The following TNS3 variants were observed in gnomAD, a reference collection of about 807,000 sequenced individuals.
TNS3 encodes the protein tensin-3.
In TNS3, 45 loss-of-function variants were observed where a neutral mutation model predicts 140.9. The ratio of observed to expected loss-of-function variants is 0.32; its 90% CI spans 0.25 to 0.41. The LOEUF is 0.41. Among genes scored for constraint, TNS3 ranks in the 10% least tolerant of loss-of-function variants. The pLI, the probability that TNS3 is intolerant of heterozygous loss-of-function variation, is 1.00. For missense variants in TNS3, 1,716 were observed against 1,906.7 expected, an observed-to-expected ratio of 0.90 and a Z score of 1.86; for synonymous variants, 815 against 788.4, an observed-to-expected ratio of 1.03 and a Z score of -0.56.
At chr7:47,300,866 G>T (rs1372868881) in intron 23 of TNS3, among the ~76,000 whole-genome samples, 1 of 152,218 alleles carries the variant, frequency 6.6e-6, no homozygotes, top group Non-Finnish European at 1.5e-5. Context: ...ATGGTGAGCA[G>T]TGTTTCACAA....
intron 16 of TNS3, among the ~76,000 whole-genome samples, chr7:47,371,964 GGCATA>G: frequency 6.6e-6 from 1 of 152,340 alleles, no homozygotes; most frequent in African/African-American, 2.4e-5. Context: ...AGAATTAAAT[GGCATA>G]GCACACGGGT....
intron 4 of TNS3, among the ~76,000 whole-genome samples, chr7:47,468,511 A>G (rs1288022563): frequency 6.6e-6 from 1 of 152,180 alleles, no homozygotes; most frequent in Non-Finnish European, 1.5e-5. Flanking sequence ...TATTTCCCGA[A>G]CCAATCACAT....
At chr7:47,434,063 T>A (rs1213643899) in intron 8 of TNS3, among the ~76,000 whole-genome samples, 2 of 152,050 alleles carry the variant, frequency 1.3e-5, no homozygotes, top group East Asian at 3.9e-4. Context: ...AAGTTAGATG[T>A]GAGGAAAGAG....
chr7:47,389,035 A>G (rs796480184), intron 16 of TNS3, among the ~76,000 whole-genome samples: 1,222 of 22,206 alleles, frequency 0.055, 121 homozygotes, highest in African/African-American at 0.075. Context: ...AAGAAGAAGA[A>G]GAAGAAGAAG....
At chr7:47,394,273 G>A (rs373500391) in intron 16 of TNS3, among the ~76,000 whole-genome samples, 5 of 152,148 alleles carry the variant, frequency 3.3e-5, no homozygotes, top group East Asian at 3.9e-4. Context: ...GACCTTTGGC[G>A]GTGCTCAGAG....
At chr7:47,279,884 T>C (rs1785049647) in intron 30 of TNS3, 2 of 498,934 alleles carry the variant, frequency 4.0e-6, no homozygotes, top group Non-Finnish European at 7.2e-6. Context: ...CATTCCCAAA[T>C]GGCCAAAAAG....
chr7:47,519,073 C>G (rs1445812491), intron 2 of TNS3, among the ~76,000 whole-genome samples: 1 of 152,212 alleles, frequency 6.6e-6, no homozygotes, highest in African/African-American at 2.4e-5. Flanking sequence ...AGCCAGGCCT[C>G]ACTGCCCACT....
chr7:47,460,440 G>GGTGCTT (rs1796441878), intron 4 of TNS3, among the ~76,000 whole-genome samples: 1 of 152,104 alleles, frequency 6.6e-6, no homozygotes, highest in Non-Finnish European at 1.5e-5. Context: ...GCTTTGTCTT[G>GGTGCTT]GCAGCCTAAG....
At chr7:47,408,188 C>A (rs186416606) in intron 13 of TNS3, among the ~76,000 whole-genome samples, 24 of 152,208 alleles carry the variant, frequency 1.6e-4, no homozygotes, top group Non-Finnish European at 3.1e-4. Context: ...AGGTGGGACA[C>A]TGAGGAAAGG....
At chr7:47,470,251 C>A (rs2151736166) in intron 4 of TNS3, among the ~76,000 whole-genome samples, 1 of 152,224 alleles carries the variant, frequency 6.6e-6, no homozygotes, top group African/African-American at 2.4e-5. Context: ...GAAAAACCAC[C>A]TATTGGGTAC....
At chr7:47,346,962 T>A (rs1054714155) in intron 17 of TNS3, among the ~76,000 whole-genome samples, 1 of 152,188 alleles carries the variant, frequency 6.6e-6, no homozygotes, top group Non-Finnish European at 1.5e-5. Context: ...GGGTCCCCAC[T>A]CTTGACCAAA....
chr7:47,353,051 G>T (rs2151039797), intron 17 of TNS3, among the ~76,000 whole-genome samples: 2 of 152,284 alleles, frequency 1.3e-5, no homozygotes, highest in South Asian at 4.1e-4. Context: ...TGCTAGCTCT[G>T]GTACGCTGCC....
intron 2 of TNS3, among the ~76,000 whole-genome samples, chr7:47,509,784 C>T (rs1053861838): frequency 2.0e-5 from 3 of 152,124 alleles, no homozygotes; most frequent in African/African-American, 7.2e-5. Flanking sequence ...ACCTCCTGGG[C>T]CCGGCTCAGC....
intron 4 of TNS3, among the ~76,000 whole-genome samples, chr7:47,445,411 T>C (rs1337715671): frequency 2.0e-5 from 3 of 152,164 alleles, no homozygotes; most frequent in African/African-American, 7.2e-5. Flanking sequence ...GCGGACGTGT[T>C]GGAATCCCAC....
intron 17 of TNS3, among the ~76,000 whole-genome samples, chr7:47,349,379 C>CA (rs1430847257): frequency 6.6e-6 from 1 of 152,258 alleles, no homozygotes; most frequent in Non-Finnish European, 1.5e-5. Flanking sequence ...CTGGATGGAT[C>CA]AATACTTCTC....
intron 13 of TNS3, among the ~76,000 whole-genome samples, chr7:47,409,346 A>G (rs932337924): frequency 6.7e-6 from 1 of 148,818 alleles, no homozygotes; most frequent in African/African-American, 2.5e-5. Flanking sequence ...GCCTGGTCTC[A>G]GGAAGACCCT....
chr7:47,426,603 G>C (rs74533798), intron 9 of TNS3, among the ~76,000 whole-genome samples: 6,025 of 152,248 alleles, frequency 0.04, 171 homozygotes, highest in Non-Finnish European at 0.06. Context: ...GGGAAGTAGA[G>C]CTACCATCAT....
rs56939479 is a variant in TNS3, at chr7:47,316,094, TTCTCTCTCTCTCTCTCTCTCTCTCTC to T, written c.2651-11117_2651-11092del. ...TGAGACTATCCACCTAACTAACTAT[TTCTCTCTCTCTCTCTCTCTCTCTCTC>T]TCTCTCTCTCTCTCTCTCTCTCTCT... On this transcript the variant is annotated intron_variant, in intron 20 of 30. Coordinates refer to ENST00000311160, the MANE Select transcript of TNS3 (RefSeq NM_022748.12). 9.0e-3 allele frequency among the ~76,000 whole-genome samples: 956 copies of T among 105,880 alleles called. 11 individuals are homozygous for T. The highest frequency in any genetic ancestry group is 0.032 in the African/African-American group (905 of 28,388). 69.5% of individuals were successfully genotyped at this position (105,880 alleles called of 152,430 possible).
chr7:47,431,452 G>A (rs1425389079), intron 8 of TNS3, among the ~76,000 whole-genome samples: 1 of 152,126 alleles, frequency 6.6e-6, no homozygotes, highest in Non-Finnish European at 1.5e-5. Context: ...AATTAGCTGG[G>A]TGTGGTGGCA....
Sources: gnomAD v4.1 joint callset for allele counts (sites outside exome capture counted in the v4.1 genomes callset) on GRCh38, gnomAD v4.1.1 for gene constraint, MANE v1.5 for transcripts, NCBI Gene and HGNC (gene_info 2026-07-23, HGNC 2026-07-21) for gene names.